CAV1: variants seen among roughly 807,000 people sequenced by gnomAD.
The protein encoded by CAV1 is caveolin 1.
CAV1 carries 10 observed loss-of-function variants against 16.5 expected under a neutral mutation model. The observed-to-expected ratio is 0.61, with a 90% CI of 0.37 to 1.03. The LOEUF (loss-of-function observed/expected upper bound fraction) is 1.03, where lower values mean the gene tolerates loss of function less well. CAV1 is among the 50% of genes least tolerant of loss of function. CAV1 has a pLI of 0.01. For synonymous variants in CAV1, 76 were observed against 85.1 expected, an observed-to-expected ratio of 0.89 and a Z score of 0.59; for missense variants, 212 against 232.8, an observed-to-expected ratio of 0.91 and a Z score of 0.58.
At chr7:116,530,793 G>C (rs1304290099) in intron 2 of CAV1, among the ~76,000 whole-genome samples, 12 of 152,130 alleles carry the variant, frequency 7.9e-5, no homozygotes, top group Admixed American at 2.0e-4. Context: ...TGTAAATCCA[G>C]CACTCATGAT....
upstream of CAV1, chr7:116,525,032 CCT>C: frequency 6.2e-7 from 1 of 1,614,026 alleles, no homozygotes; most frequent in Non-Finnish European, 8.5e-7. Flanking sequence ...AGGGAAACCT[CCT>C]CACAGTTTTC....
At chr7:116,550,786 T>C (rs1794144507) in intron 2 of CAV1, among the ~76,000 whole-genome samples, 1 of 152,206 alleles carries the variant, frequency 6.6e-6, no homozygotes, top group Admixed American at 6.5e-5. Context: ...AAAAAGCGTT[T>C]ACATAGGGTT....
chr7:116,528,397 G>A (rs1429401982), intron 2 of CAV1, among the ~76,000 whole-genome samples: 1 of 152,138 alleles, frequency 6.6e-6, no homozygotes, highest in Non-Finnish European at 1.5e-5. Context: ...AGCAAGTGTG[G>A]GGATCCTCAA....
rs1199366821 is a variant in CAV1, at chr7:116,526,760, T to C, written c.195+71T>C. 10 of 1,568,638 alleles carry C rather than the reference T, an allele frequency of 6.4e-6. 1 individual carries two copies. In the South Asian group the frequency reaches 1.1e-4, roughly 18 times the overall value. On this transcript the variant is annotated intron_variant, in intron 2 of 2. Coordinates refer to ENST00000341049, the MANE Select transcript of CAV1 (RefSeq NM_001753.5). ...TGGCAGTTAGCCCGTGCATCCTTCT[T>C]TAGCATTGCCGTGTACGCACACCCC...
rs1224554964 is a variant in CAV1, at chr7:116,558,926, G to T, written c.196-20G>T. ...TTTTCTTCTATTCTGTGCTCATGTT[G>T]TGTCACTTCTTCCTTTTAGATTGAC... On this transcript the variant is annotated intron_variant, in intron 2 of 2. Coordinates refer to ENST00000341049, the MANE Select transcript of CAV1 (RefSeq NM_001753.5). The T allele has an allele frequency of 3.8e-6, 6 of 1,558,780 alleles. No homozygotes were observed. Among genetic ancestry groups the T allele is most frequent in the Non-Finnish European group, 5.3e-6 (6 of 1,130,970 alleles).
intron 2 of CAV1, among the ~76,000 whole-genome samples, chr7:116,555,480 A>AAGGAAGG: frequency 1.3e-4 from 1 of 7,916 alleles, no homozygotes; most frequent in African/African-American, 3.0e-4. Flanking sequence ...AGGAAGGAGG[A>AAGGAAGG]AAGAAAAGAA....
intron 2 of CAV1, among the ~76,000 whole-genome samples, chr7:116,529,309 CA>C (rs1196844478): frequency 6.6e-6 from 1 of 152,198 alleles, no homozygotes; most frequent in Admixed American, 6.5e-5. Context: ...GTCCTAAAAG[CA>C]AGCAGCCCTG....
At chr7:116,528,712 AC>A in intron 2 of CAV1, among the ~76,000 whole-genome samples, 1 of 152,376 alleles carries the variant, frequency 6.6e-6, no homozygotes, top group South Asian at 2.1e-4. Flanking sequence ...AAGTCCAAGC[AC>A]AAACAAAATA....
At chr7:116,527,768 C>T (rs540991794) in intron 2 of CAV1, among the ~76,000 whole-genome samples, 11 of 152,236 alleles carry the variant, frequency 7.2e-5, no homozygotes, top group East Asian at 5.8e-4. Flanking sequence ...CCACCCACCA[C>T]GCCTGCTATC....
At chr7:116,550,918 A>G (rs756537018) in intron 2 of CAV1, among the ~76,000 whole-genome samples, 5 of 152,212 alleles carry the variant, frequency 3.3e-5, no homozygotes, top group Non-Finnish European at 1.5e-5. Flanking sequence ...AAAGCCTCTC[A>G]AAAAGTAGCT....
At chr7:116,525,936 A>T in intron 1 of CAV1, 4 of 655,044 alleles carry the variant, frequency 6.1e-6, no homozygotes, top group Non-Finnish European at 7.6e-6. Context: ...GGGCCGAGGC[A>T]GGGTGGGGGG....
At chr7:116,537,935 C>G (rs1427266463) in intron 2 of CAV1, among the ~76,000 whole-genome samples, 2 of 152,156 alleles carry the variant, frequency 1.3e-5, no homozygotes, top group African/African-American at 4.8e-5. Context: ...AGAAATAGAA[C>G]CAGACACGTT....
intron 2 of CAV1, among the ~76,000 whole-genome samples, chr7:116,536,732 G>A (rs926115717): frequency 5.9e-5 from 9 of 152,154 alleles, no homozygotes; most frequent in Admixed American, 1.3e-4. Context: ...GGCCGGGCGC[G>A]GTGGCTCACG....
chr7:116,526,486 C>CCCTCCCCGT, intron 1 of CAV1, 39 bp from the exon 2 acceptor site: 1 of 1,613,174 alleles, frequency 6.2e-7, no homozygotes. Flanking sequence ...GCCGTTGCCG[C>CCCTCCCCGT]CCTCCCCGTC....
At chr7:116,555,873 ATTG>A (rs1794284977) in intron 2 of CAV1, among the ~76,000 whole-genome samples, 1 of 152,162 alleles carries the variant, frequency 6.6e-6, no homozygotes, top group Non-Finnish European at 1.5e-5. Context: ...TTCTGCCTCT[ATTG>A]TTTCTTTAAC....
At chr7:116,540,610 T>G (rs1435431421) in intron 2 of CAV1, among the ~76,000 whole-genome samples, 1 of 152,204 alleles carries the variant, frequency 6.6e-6, no homozygotes, top group Non-Finnish European at 1.5e-5. Context: ...GAAACTTGCG[T>G]GAACAAGTTA....
Position 116,559,514 on chromosome 7 carries a change from T to A in CAV1, c.*227T>A. On this transcript the variant is annotated 3_prime_UTR_variant, in exon 3 of 3. Transcript: ENST00000341049. ...TTAAAACCCATTTAAATTTTTTTCC[T>A]TACCTTTTTATTTGCATGTGGATCA... is the stretch of plus-strand genomic sequence containing the variant. The A allele has an allele frequency of 1.7e-6, 1 of 602,130 alleles. No individual in the cohort carries two copies. Among genetic ancestry groups the A allele is most frequent in the East Asian group, 2.8e-5 (1 of 36,360 alleles). 37.3% of individuals were successfully genotyped at this position (602,130 alleles called of 1,614,324 possible). A position where few individuals can be genotyped will look rare whatever the true frequency, so the allele number is the denominator to read the frequency against.
chr7:116,527,744 C>T (rs762695056), intron 2 of CAV1, among the ~76,000 whole-genome samples: 27 of 152,076 alleles, frequency 1.8e-4, no homozygotes, highest in African/African-American at 3.4e-4. Context: ...ATCAATGAGG[C>T]GGATGAGCAA....
intron 2 of CAV1, among the ~76,000 whole-genome samples, chr7:116,534,389 A>ATTTTTTTTTTTTTT (rs1309115810): frequency 1.1e-4 from 1 of 8,990 alleles, no homozygotes; most frequent in African/African-American, 3.0e-4. Flanking sequence ...ATATATATAT[A>ATTTTTTTTTTTTTT]TATATATTTT....
Sources: gnomAD v4.1 joint callset for allele counts (sites outside exome capture counted in the v4.1 genomes callset) on GRCh38, gnomAD v4.1.1 for gene constraint, MANE v1.5 for transcripts, NCBI Gene and HGNC (gene_info 2026-07-23, HGNC 2026-07-21) for gene names.